The following RPS6KA2 variants were observed in gnomAD, a reference collection of about 807,000 sequenced individuals.
The protein encoded by RPS6KA2 is ribosomal protein S6 kinase A2.
RPS6KA2 carries 42 observed loss-of-function variants against 91.8 expected under a neutral mutation model. That is an observed-to-expected ratio of 0.46 (90% CI 0.36 to 0.59). The LOEUF (loss-of-function observed/expected upper bound fraction) is 0.59, where lower values mean the gene tolerates loss of function less well. Among genes scored for constraint, RPS6KA2 ranks in the 20% least tolerant of loss-of-function variants. RPS6KA2 has a pLI of 0.00. For synonymous variants in RPS6KA2, 414 were observed against 393.6 expected (o/e 1.05, Z -0.61); for missense variants, 798 against 978.5 (o/e 0.82, Z 2.46).
chr6:166,516,991 A>C (rs1782669106), intron 3 of RPS6KA2, among the ~76,000 whole-genome samples: 1 of 152,242 alleles, frequency 6.6e-6, no homozygotes, highest in Non-Finnish European at 1.5e-5. Flanking sequence ...AACATTGTTT[A>C]GCCACATGTC....
chr6:166,514,936 G>T (rs1248967256), intron 3 of RPS6KA2, among the ~76,000 whole-genome samples: 1 of 152,168 alleles, frequency 6.6e-6, no homozygotes, highest in East Asian at 1.9e-4. Flanking sequence ...TTCTCGGCCT[G>T]TTGAGTGCTG....
In RPS6KA2 at chr6:166,821,287, C is replaced by T. The variant is rs937895869; in HGVS notation, c.123+36913G>A. ...AGGATTTCTCTTTCTTTCCAGCAGG[C>T]GCACCCCAGGAGTGACAAATCAGCC... On this transcript the variant is annotated intron_variant, in intron 2 of 21. Transcript: ENST00000503859. This position sits in a 1 kb window ranked among gnomAD's most constrained non-coding sequence, Gnocchi z 4.1. 1.3e-5 allele frequency among the ~76,000 whole-genome samples: 2 copies of T among 151,958 alleles called. No individual in the cohort carries two copies. The highest frequency in any genetic ancestry group is 2.4e-5 in the African/African-American group (1 of 41,352).
At chr6:166,537,357 T>G (rs1046562233) in intron 2 of RPS6KA2, among the ~76,000 whole-genome samples, 1 of 152,270 alleles carries the variant, frequency 6.6e-6, no homozygotes, top group Admixed American at 6.5e-5. Context: ...ACTGTCACAT[T>G]ACGCAGGCTC....
At chr6:166,468,618 C>T (rs1341369510) in intron 11 of RPS6KA2, among the ~76,000 whole-genome samples, 1 of 151,866 alleles carries the variant, frequency 6.6e-6, no homozygotes, top group Non-Finnish European at 1.5e-5. Context: ...AATCCCAGCA[C>T]TTTGGGAGGC....
At chr6:166,664,024 A>C (rs777482626) in intron 2 of RPS6KA2, among the ~76,000 whole-genome samples, 2 of 152,276 alleles carry the variant, frequency 1.3e-5, no homozygotes, top group Non-Finnish European at 2.9e-5. Flanking sequence ...CAGTTCAGTC[A>C]TGGTTGAAAG....
chr6:166,607,024 C>T (rs1785977786), intron 1 of RPS6KA2, among the ~76,000 whole-genome samples: 1 of 151,986 alleles, frequency 6.6e-6, no homozygotes, highest in South Asian at 2.1e-4. Flanking sequence ...TGCCTATAAT[C>T]CCAGCTACTA....
intron 1 of RPS6KA2, among the ~76,000 whole-genome samples, chr6:166,545,938 G>T (rs1338129201): frequency 6.6e-6 from 1 of 152,114 alleles, no homozygotes; most frequent in African/African-American, 2.4e-5. Flanking sequence ...CACACACATG[G>T]GCTCCCAGTC....
At chr6:166,760,487 G>A (rs1450566537) in intron 2 of RPS6KA2, among the ~76,000 whole-genome samples, 2 of 152,164 alleles carry the variant, frequency 1.3e-5, no homozygotes, top group African/African-American at 4.8e-5. Flanking sequence ...TGTGGGCACC[G>A]CCCCCACCCC....
chr6:166,427,671 G>C (rs1351231061), intron 16 of RPS6KA2, among the ~76,000 whole-genome samples: 1 of 152,082 alleles, frequency 6.6e-6, no homozygotes, highest in Non-Finnish European at 1.5e-5. Context: ...GACAACCAGA[G>C]AGCCAAATCA....
At position 166,500,887 on chromosome 6, in the gene RPS6KA2, CT is replaced by C. The variant is rs768516752; in HGVS notation, c.603del (p.Asp202IlefsTer4). Reference protein sequence around the residue: ...LLDEEGHIKITDFGLSKEAID... With the variant: ...LLDEEGHIKIXDFGLSKEAID... ...AGGGGGCCTGCCGTCTTTTACAAACCTGTGATCTTAATGTGCCCCTCTTCAT... is the reference window on the plus strand; with the variant it reads ...AGGGGGCCTGCCGTCTTTTACAAACCGTGATCTTAATGTGCCCCTCTTCAT... On this transcript the variant is annotated frameshift_variant and splice_region_variant, in exon 7 of 21. Transcript: ENST00000265678. LOFTEE classifies it high-confidence loss of function. The surrounding 1 kb of genome is among the most constrained non-coding windows in gnomAD (Gnocchi z 4.3). The C allele has an allele frequency of 6.2e-7, 1 of 1,613,974 alleles. No individual in the cohort carries two copies. The highest frequency in any genetic ancestry group is 8.5e-7 in the Non-Finnish European group (1 of 1,179,872).
At chr6:166,839,696 A>AGGGGAGGGGAGGGGAGG (rs1433853207) in intron 2 of RPS6KA2, among the ~76,000 whole-genome samples, 1 of 104,232 alleles carries the variant, frequency 9.6e-6, no homozygotes, top group African/African-American at 4.1e-5. Context: ...AGGAGAGGGG[A>AGGGGAGGGGAGGGGAGG]GGAGAGGAGA....
chr6:166,725,140 A>G (rs1177168077), intron 2 of RPS6KA2, among the ~76,000 whole-genome samples: 2 of 152,098 alleles, frequency 1.3e-5, no homozygotes, highest in Admixed American at 1.3e-4. Context: ...TCTATTTTTC[A>G]TGGTTTTTCC....
At chr6:166,649,719 T>A (rs562848757) in intron 2 of RPS6KA2, among the ~76,000 whole-genome samples, 1 of 152,338 alleles carries the variant, frequency 6.6e-6, no homozygotes, top group African/African-American at 2.4e-5. Context: ...GATGGGATTG[T>A]AGACCCAGTG....
At chr6:166,515,270 T>C (rs948559705) in intron 3 of RPS6KA2, among the ~76,000 whole-genome samples, 9 of 151,944 alleles carry the variant, frequency 5.9e-5, no homozygotes, top group African/African-American at 1.9e-4. Context: ...GCTGGTGGAG[T>C]TGCATGACTC....
chr6:166,461,513 AGAGAGATGGGGAGAGATGGG>A (rs202187372), intron 11 of RPS6KA2, among the ~76,000 whole-genome samples: 1 of 112,486 alleles, frequency 8.9e-6, no homozygotes. Flanking sequence ...AGAGAGAGAG[AGAGAGATGGGGAGAGATGGG>A]GAGAGAGGGG....
intron 3 of RPS6KA2, among the ~76,000 whole-genome samples, chr6:166,512,460 T>C (rs1203721692): frequency 6.6e-6 from 1 of 152,226 alleles, no homozygotes; most frequent in Admixed American, 6.5e-5. Context: ...TTATGTTATA[T>C]ATGTCTTACC....
intron 2 of RPS6KA2, among the ~76,000 whole-genome samples, chr6:166,682,299 T>G (rs957604452): frequency 2.0e-5 from 3 of 152,172 alleles, no homozygotes; most frequent in Non-Finnish European, 4.4e-5. Context: ...AATAAAACAT[T>G]GGTATTGAGG....
intron 16 of RPS6KA2, among the ~76,000 whole-genome samples, chr6:166,425,651 C>T (rs1465834768): frequency 1.3e-5 from 2 of 151,918 alleles, no homozygotes; most frequent in Admixed American, 1.3e-4. Flanking sequence ...GGGTTGCAAT[C>T]CTAGTCTCTG....
At chr6:166,497,920 G>T (rs1464015297) in intron 8 of RPS6KA2, among the ~76,000 whole-genome samples, 1 of 152,056 alleles carries the variant, frequency 6.6e-6, no homozygotes, top group Non-Finnish European at 1.5e-5. Context: ...CTCACTGCAC[G>T]CCTGCTCCAC....
Sources: allele counts gnomAD v4.1 joint callset (sites outside exome capture counted in the v4.1 genomes callset), GRCh38; gene constraint gnomAD v4.1.1; non-coding constraint Gnocchi (gnomAD v3.1); transcripts MANE v1.5; gene names NCBI Gene and HGNC (gene_info 2026-07-23, HGNC 2026-07-21).